Variants in COBL observed in about 807,000 individuals in gnomAD.
COBL encodes cordon-bleu WH2 repeat protein.
COBL carries 51 observed loss-of-function variants against 98.8 expected under a neutral mutation model. The observed-to-expected ratio is 0.52, with a 90% CI of 0.41 to 0.65. COBL has a LOEUF of 0.65. COBL is among the 30% of genes least tolerant of loss of function. COBL has a pLI of 0.00. For missense variants in COBL, 1,617 were observed against 1,617.5 expected (o/e 1.00, Z 0.01); for synonymous variants, 634 against 651.7 (o/e 0.97, Z 0.41).
At chr7:51,287,603 T>C (rs567765579) in intron 1 of COBL, among the ~76,000 whole-genome samples, 1 of 152,302 alleles carries the variant, frequency 6.6e-6, no homozygotes, top group African/African-American at 2.4e-5. Flanking sequence ...TTTATGCATA[T>C]AGTTATGACC....
chr7:51,184,086 G>T lies in COBL; in HGVS notation c.783+16C>A. The T allele has an allele frequency of 1.6e-6, 2 of 1,229,656 alleles. No homozygotes were observed. The highest frequency in any genetic ancestry group is 2.3e-6 in the Non-Finnish European group (2 of 871,042). 76.2% of individuals were successfully genotyped at this position (1,229,656 alleles called of 1,614,324 possible). ...TTTTACATGATACAAAATCATATGTGTATTTAATCCATTACCTTACTATTG... is the reference window on the plus strand; with the variant it reads ...TTTTACATGATACAAAATCATATGTTTATTTAATCCATTACCTTACTATTG... On this transcript the variant is annotated intron_variant, in intron 5 of 12. Transcript: ENST00000265136.
Position 51,029,102 on chromosome 7 carries a change from C to T in COBL, c.1994G>A (p.Arg665Lys), listed in dbSNP as rs763893215. 6.2e-7 allele frequency: 1 copy of T among 1,614,190 alleles called. No individual in the cohort carries two copies. The highest frequency in any genetic ancestry group is 1.7e-5 in the Admixed American group (1 of 60,028). ...ADGERTQATE[R>K]VNSQPVNEKD... The stretch of plus-strand genomic sequence containing the variant: ...TTCATTCACCGGTTGGGAATTCACT[C>T]TCTCTGTGGCTTGAGTCCTCTCCCC... The change falls in exon 10 of 13, where the codon AGA becomes AAA. Residue 665 changes from arginine (R) to lysine (K), a missense_variant. Arg to Lys is a conservative substitution (Grantham distance 26). Around this residue, in one of 3 missense-constraint regions of COBL, gnomAD observed 1,304 missense variants for 1,282.0 expected, o/e 1.02. Coordinates refer to ENST00000265136, the MANE Select transcript of COBL (RefSeq NM_015198.5).
intron 1 of COBL, among the ~76,000 whole-genome samples, chr7:51,245,098 C>T (rs999215595): frequency 5.8e-4 from 89 of 152,258 alleles, no homozygotes; most frequent in African/African-American, 2.0e-3. Context: ...CCGAAACCCG[C>T]GCCTTTACAG....
chr7:51,260,985 C>G (rs746260722), intron 1 of COBL, among the ~76,000 whole-genome samples: 2 of 152,184 alleles, frequency 1.3e-5, no homozygotes, highest in Non-Finnish European at 2.9e-5. Flanking sequence ...AACCTCCATA[C>G]CCCTTCTCCA....
intron 1 of COBL, among the ~76,000 whole-genome samples, chr7:51,256,314 C>T (rs1254126060): frequency 2.0e-5 from 3 of 152,210 alleles, no homozygotes; most frequent in African/African-American, 4.8e-5. Context: ...AAAGGTCAGG[C>T]CATGAAATTC....
At chr7:51,147,242 G>T (rs1441432330) in intron 5 of COBL, among the ~76,000 whole-genome samples, 1 of 152,214 alleles carries the variant, frequency 6.6e-6, no homozygotes. Context: ...CATCCACTAA[G>T]CCCTTCCTTG....
At chr7:51,133,079 A>T (rs2129003132) in intron 6 of COBL, among the ~76,000 whole-genome samples, 1 of 152,302 alleles carries the variant, frequency 6.6e-6, no homozygotes, top group African/African-American at 2.4e-5. Context: ...GCGAGCAAGA[A>T]TTCCAGCAGC....
intron 1 of COBL, among the ~76,000 whole-genome samples, chr7:51,264,498 C>A (rs1450054454): frequency 2.0e-5 from 3 of 151,762 alleles, no homozygotes; most frequent in Admixed American, 6.6e-5. Context: ...TGGCAAAACC[C>A]CGTCTCTACT....
intron 7 of COBL, among the ~76,000 whole-genome samples, chr7:51,068,699 C>A (rs1055444144): frequency 2.6e-5 from 4 of 152,110 alleles, no homozygotes; most frequent in Admixed American, 1.3e-4. Flanking sequence ...TATATACTTT[C>A]TTTGTACATA....
In COBL at chr7:51,136,322, T is replaced by C; in HGVS notation, c.793A>G (p.Thr265Ala). The change falls in exon 6 of 13, where the codon ACG becomes GCG. Residue 265 changes from threonine to alanine, a missense_variant. Thr to Ala is a moderately conservative substitution (Grantham distance 58, BLOSUM62 0). Transcript: ENST00000265136. Reference sequence around the variant, plus strand: ...TGCATGGATGGGGAGTTGGGGGTCGTTAAACAGCCCTGTTGGGGAAGAGAC... The same window carrying C: ...TGCATGGATGGGGAGTTGGGGGTCGCTAAACAGCCCTGTTGGGGAAGAGAC... Reference protein sequence around the residue: ...NKRSNSKGCLTTPNSPSMHSR... With the variant: ...NKRSNSKGCLATPNSPSMHSR... The C allele has an allele frequency of 6.2e-7, 1 of 1,612,594 alleles. No homozygotes were observed. The highest frequency in any genetic ancestry group is 8.5e-7 in the Non-Finnish European group (1 of 1,179,554).
intron 1 of COBL, among the ~76,000 whole-genome samples, chr7:51,254,064 T>C (rs1350386858): frequency 1.4e-5 from 2 of 138,494 alleles, no homozygotes; most frequent in Non-Finnish European, 3.3e-5. Flanking sequence ...TTCTTCCTTT[T>C]TGAGTTGTTT....
In COBL at chr7:51,219,885, T is replaced by G. The variant is rs748373688; in HGVS notation, c.101A>C (p.His34Pro). 21 of 1,613,116 alleles carry G rather than the reference T, an allele frequency of 1.3e-5. No homozygotes were observed. In the African/African-American group the frequency reaches 2.8e-4, roughly 22 times the overall value. The change falls in exon 2 of 13, where the codon CAC becomes CCC. Residue 34 changes from histidine to proline, a missense_variant. Physicochemically the swap from His to Pro is moderately conservative, Grantham distance 77. This residue lies in a region of COBL where 238 missense variants were observed against 215.0 expected (regional missense o/e 1.11). Coordinates refer to ENST00000265136, the MANE Select transcript of COBL (RefSeq NM_015198.5). ...PPGKAATLHV[H>P]SDQKPPHDGA... ...ATCGTGGGGGGGCTTCTGGTCACTGTGCACATGCAGAGTGGCAGCCTTTCC... is the reference window on the plus strand; with the variant it reads ...ATCGTGGGGGGGCTTCTGGTCACTGGGCACATGCAGAGTGGCAGCCTTTCC...
intron 7 of COBL, among the ~76,000 whole-genome samples, chr7:51,051,229 T>C (rs1790205788): frequency 6.6e-6 from 1 of 152,234 alleles, no homozygotes; most frequent in African/African-American, 2.4e-5. Flanking sequence ...TCTTGTGTCA[T>C]AGATGAGAAG....
intron 1 of COBL, among the ~76,000 whole-genome samples, chr7:51,238,503 T>C (rs978071769): frequency 3.3e-5 from 5 of 152,122 alleles, no homozygotes; most frequent in African/African-American, 1.2e-4. Flanking sequence ...TACACTGAAG[T>C]TACTCTTTGT....
At chr7:51,053,419 G>C (rs1327803491) in intron 7 of COBL, among the ~76,000 whole-genome samples, 1 of 152,186 alleles carries the variant, frequency 6.6e-6, no homozygotes, top group Non-Finnish European at 1.5e-5. Context: ...ATGGGCACTT[G>C]GAGTTCAGGG....
Position 51,016,959 on chromosome 7 carries a change from G to C in COBL, c.*592C>G. On this transcript the variant is annotated 3_prime_UTR_variant, in exon 13 of 13. Coordinates refer to ENST00000265136, the MANE Select transcript of COBL (RefSeq NM_015198.5). ...GTCAGATCATGGACTGTGACCCTCT[G>C]TGAAGTGTTAGCCCCAAATATTTGA... 1 of 403,492 alleles carries C rather than the reference G, an allele frequency of 2.5e-6. No homozygotes were observed. The highest frequency in any genetic ancestry group is 2.1e-5 in the African/African-American group (1 of 48,768). The allele number at this position is 403,492 out of a possible 1,614,324, so 25.0% of individuals were successfully genotyped here. A position where few individuals can be genotyped will look rare whatever the true frequency, so the allele number is the denominator to read the frequency against.
chr7:51,182,692 T>C (rs1469782387), intron 5 of COBL, among the ~76,000 whole-genome samples: 2 of 149,900 alleles, frequency 1.3e-5, no homozygotes, highest in Non-Finnish European at 3.0e-5. Context: ...AGTTGGAGAG[T>C]GGGAGGGGAT....
chr7:51,194,174 T>C (rs1584125578), intron 2 of COBL, among the ~76,000 whole-genome samples: 1 of 152,288 alleles, frequency 6.6e-6, no homozygotes, highest in Non-Finnish European at 1.5e-5. Flanking sequence ...GTTGACATCA[T>C]TTAGCTCCCA....
chr7:51,191,491 T>C (rs946420716), intron 3 of COBL, among the ~76,000 whole-genome samples: 2 of 151,496 alleles, frequency 1.3e-5, no homozygotes, highest in Non-Finnish European at 2.9e-5. Flanking sequence ...ATCAAAGTTT[T>C]AAGGAGTCAA....
Sources: gnomAD v4.1 joint callset for allele counts (sites outside exome capture counted in the v4.1 genomes callset) on GRCh38, gnomAD v4.1.1 for gene constraint, gnomAD v4.1.1 regional missense constraint, MANE v1.5 for transcripts, NCBI Gene and HGNC (gene_info 2026-07-23, HGNC 2026-07-21) for gene names.